The following PPP2R5C variants were observed in gnomAD, a reference collection of about 807,000 sequenced individuals.
The protein encoded by PPP2R5C is serine/threonine-protein phosphatase 2A 56 kDa regulatory subunit gamma isoform.
PPP2R5C carries 7 observed loss-of-function variants against 68.9 expected under a neutral mutation model. The observed-to-expected ratio is 0.10, with a 90% CI of 0.06 to 0.19. The LOEUF (loss-of-function observed/expected upper bound fraction) is 0.19. PPP2R5C is among the 10% of genes least tolerant of loss of function. The pLI, the probability that PPP2R5C is intolerant of heterozygous loss-of-function variation, is 1.00. For synonymous variants in PPP2R5C, 210 were observed against 222.2 expected (o/e 0.95, Z 0.49); for missense variants, 348 against 641.3 (o/e 0.54, Z 4.94).
intron 2 of PPP2R5C, among the ~76,000 whole-genome samples, chr14:101,880,740 T>A (rs568159301): frequency 5.5e-4 from 84 of 152,154 alleles, no homozygotes; most frequent in African/African-American, 2.0e-3. Flanking sequence ...GAGGCTGCAG[T>A]GAGCGATGAT....
At chr14:101,775,551 C>G (rs1057154248) in intron 2 of PPP2R5C, among the ~76,000 whole-genome samples, 2 of 152,174 alleles carry the variant, frequency 1.3e-5, no homozygotes, top group African/African-American at 4.8e-5. Flanking sequence ...GGCGTTGTCC[C>G]TGAGCGTGAG....
At chr14:101,841,708 C>T (rs943282076) in intron 1 of PPP2R5C, among the ~76,000 whole-genome samples, 6 of 152,158 alleles carry the variant, frequency 3.9e-5, no homozygotes, top group Admixed American at 6.5e-5. Context: ...GGCAGAGGAT[C>T]GGCCATGCTT....
rs148563194 is a variant in PPP2R5C, at chr14:101,906,786, G to A, written c.1151+257G>A. ...ACCTCCCAGTAGCAGCAGTTTCTAG[G>A]CCTCTTCCTGAGCGTCCTGCAGAGA... On this transcript the variant is annotated intron_variant, in intron 10 of 13. Coordinates refer to ENST00000334743, the Ensembl canonical transcript of PPP2R5C. This position sits in a 1 kb window ranked among gnomAD's most constrained non-coding sequence, Gnocchi z 4.0. 6.0e-3 allele frequency: 2,617 copies of A among 433,240 alleles called. 18 individuals carry two copies. The highest frequency in any genetic ancestry group is 6.6e-3 in the Non-Finnish European group (1,609 of 243,854). 26.8% of individuals were successfully genotyped at this position (433,240 alleles called of 1,614,324 possible).
chr14:101,912,487 G>A lies in PPP2R5C; in HGVS notation c.1326+14G>A. ...GCCAATCCCCAGGTACTAAAAAAGA[G>A]AATAACATGAAAACGCCCAGGGTTA... On this transcript the variant is annotated intron_variant, in intron 12 of 13. Transcript: ENST00000334743. 1 of 1,596,352 alleles carries A rather than the reference G, an allele frequency of 6.3e-7. No individual in the cohort carries two copies. Among genetic ancestry groups the A allele is most frequent in the East Asian group, 2.3e-5 (1 of 44,040 alleles).
chr14:101,799,315 G>A (rs148205370), intron 3 of PPP2R5C, among the ~76,000 whole-genome samples: 1 of 152,316 alleles, frequency 6.6e-6, no homozygotes, highest in African/African-American at 2.4e-5. Flanking sequence ...GGCCGGAGCT[G>A]TATTTAGTTG....
upstream of PPP2R5C, chr14:101,760,609 G>T: frequency 1.3e-6 from 1 of 769,264 alleles, no homozygotes; most frequent in Non-Finnish European, 1.6e-6. Flanking sequence ...AGGAAAGGAC[G>T]GGACTGTCGG....
chr14:101,852,207 G>A (rs186452735), intron 1 of PPP2R5C, among the ~76,000 whole-genome samples: 53 of 152,122 alleles, frequency 3.5e-4, no homozygotes, highest in Non-Finnish European at 1.8e-4. Flanking sequence ...TTCTTCCTAC[G>A]TTCCAATCTT....
chr14:101,901,775 G>A, exon 9 of PPP2R5C: 1 of 1,614,002 alleles, frequency 6.2e-7, no homozygotes, highest in Non-Finnish European at 8.5e-7. Context: ...AAGAAGTAAT[G>A]TTCTTAAACG....
At chr14:101,785,948 C>A in intron 2 of PPP2R5C, 70 bp from the exon 3 acceptor site, 1 of 1,356,408 alleles carries the variant, frequency 7.4e-7, no homozygotes, top group Non-Finnish European at 9.8e-7. Context: ...ATATGTTTTT[C>A]TATATTTTAA....
At chr14:101,762,319 G>C (rs2036592032) in intron 1 of PPP2R5C, among the ~76,000 whole-genome samples, 1 of 152,164 alleles carries the variant, frequency 6.6e-6, no homozygotes, top group Admixed American at 6.5e-5. Flanking sequence ...AGGAGCTTCA[G>C]GGATGGGGGC....
intron 2 of PPP2R5C, among the ~76,000 whole-genome samples, chr14:101,876,414 CG>C (rs1007109724): frequency 6.7e-6 from 1 of 149,638 alleles, no homozygotes; most frequent in Non-Finnish European, 1.5e-5. Context: ...AGACTGTCAG[CG>C]GTTTTTTTTT....
rs1345712660 is a variant in PPP2R5C, at chr14:101,831,855, G to T, written c.94+21819G>T. 6.0e-6 allele frequency: 4 copies of T among 662,164 alleles called. No individual in the cohort carries two copies. In the African/African-American group the frequency reaches 7.1e-5, roughly 12 times the overall value. 41.0% of individuals were successfully genotyped at this position (662,164 alleles called of 1,614,324 possible). A position where few individuals can be genotyped will look rare whatever the true frequency, so the allele number is the denominator to read the frequency against. On this transcript the variant is annotated intron_variant, in intron 1 of 13. Transcript: ENST00000334743. ...TCCCCAACATGGACCACTGTAGTCTGTTACTTACATTGGCTTTAAAGTTGA... is the reference window on the plus strand; with the variant it reads ...TCCCCAACATGGACCACTGTAGTCTTTTACTTACATTGGCTTTAAAGTTGA...
Position 101,869,224 on chromosome 14 carries a change from G to A in PPP2R5C, c.294+12339G>A, listed in dbSNP as rs149997984. Among the ~76,000 whole-genome samples the A allele has an allele frequency of 1.9e-3, 289 of 152,214 alleles. 1 individual carries two copies. Among genetic ancestry groups the A allele is most frequent in the Non-Finnish European group, 5.9e-4 (40 of 68,020 alleles). On this transcript the variant is annotated intron_variant, in intron 2 of 13. Transcript: ENST00000334743. ...ATAGCCTTTGGGTCTAGCTTCTTTCGCTTAGCTTGATGCATTGGACATTCG... is the reference window on the plus strand; with the variant it reads ...ATAGCCTTTGGGTCTAGCTTCTTTCACTTAGCTTGATGCATTGGACATTCG...
chr14:101,823,721 C>T (rs2040226824), intron 1 of PPP2R5C: 2 of 1,023,656 alleles, frequency 2.0e-6, no homozygotes, highest in South Asian at 3.3e-5. Context: ...AGATACCGGA[C>T]CAGCACTTGG....
At chr14:101,762,123 C>G (rs2036576403) in intron 1 of PPP2R5C, among the ~76,000 whole-genome samples, 1 of 150,960 alleles carries the variant, frequency 6.6e-6, no homozygotes, top group Non-Finnish European at 1.5e-5. Flanking sequence ...GCCCGGGGAT[C>G]GCGCCGGAGC....
chr14:101,774,070 T>A lies in PPP2R5C; in HGVS notation c.93+11100T>A, dbSNP rs144586810. On this transcript the variant is annotated intron_variant, in intron 2 of 14. Transcript: ENST00000328724. ...GAGTAGGGAAGTAAGAGGATCTTCC[T>A]AGCTGCTATGTGGGAACGAGGGGCA... is the stretch of plus-strand genomic sequence containing the variant. 4.7e-3 allele frequency among the ~76,000 whole-genome samples: 720 copies of A among 152,336 alleles called. 5 individuals are homozygous for A. Among genetic ancestry groups the A allele is most frequent in the Non-Finnish European group, 7.4e-3 (502 of 68,022 alleles).
At chr14:101,836,473 T>TTTGGAAACTTATG in intron 1 of PPP2R5C, 1 of 657,412 alleles carries the variant, frequency 1.5e-6, no homozygotes. Context: ...ATTCTGTTAT[T>TTTGGAAACTTATG]TTGGAAACTT....
intron 1 of PPP2R5C, among the ~76,000 whole-genome samples, chr14:101,829,666 T>C (rs2040616713): frequency 6.6e-6 from 1 of 152,168 alleles, no homozygotes; most frequent in Admixed American, 6.5e-5. Flanking sequence ...TCTGTGTTTG[T>C]GTGTGTGTTT....
chr14:101,822,538 C>G (rs1164832395), intron 1 of PPP2R5C, among the ~76,000 whole-genome samples: 1 of 152,090 alleles, frequency 6.6e-6, no homozygotes, highest in Non-Finnish European at 1.5e-5. Context: ...TAAATTTAAG[C>G]CAAAGTTAAA....
Sources: gnomAD v4.1 joint callset for allele counts (sites outside exome capture counted in the v4.1 genomes callset) on GRCh38, gnomAD v4.1.1 for gene constraint, Gnocchi (gnomAD v3.1) non-coding constraint, MANE v1.5 for transcripts, NCBI Gene and HGNC (gene_info 2026-07-23, HGNC 2026-07-21) for gene names.